Variants in PDE4D observed in about 807,000 individuals in gnomAD.
PDE4D encodes the protein phosphodiesterase 4D, also known as 3',5'-cyclic-AMP phosphodiesterase 4D.
In PDE4D, 24 loss-of-function variants were observed where a neutral mutation model predicts 87.4. The ratio of observed to expected loss-of-function variants is 0.27; its 90% CI spans 0.20 to 0.39. PDE4D has a LOEUF of 0.39. Among genes scored for constraint, PDE4D ranks in the 10% least tolerant of loss-of-function variants. PDE4D has a pLI of 1.00. For synonymous variants in PDE4D, 384 were observed against 383.2 expected, an observed-to-expected ratio of 1.00 and a Z score of -0.02; for missense variants, 714 against 1,041.0, an observed-to-expected ratio of 0.69 and a Z score of 4.32.
At chr5:59,483,208 T>G (rs1335831007) in intron 1 of PDE4D, among the ~76,000 whole-genome samples, 1 of 152,174 alleles carries the variant, frequency 6.6e-6, no homozygotes, top group Non-Finnish European at 1.5e-5. Context: ...GTCTCCAGCT[T>G]ATTGGCTGCA....
intron 1 of PDE4D, among the ~76,000 whole-genome samples, chr5:59,561,780 A>C (rs550850633): frequency 6.6e-6 from 1 of 152,182 alleles, no homozygotes; most frequent in East Asian, 1.9e-4. Flanking sequence ...AAATTCAAAA[A>C]AATTAGCCAG....
chr5:59,560,425 T>C (rs893534214), intron 1 of PDE4D, among the ~76,000 whole-genome samples: 1 of 152,232 alleles, frequency 6.6e-6, no homozygotes, highest in Non-Finnish European at 1.5e-5. Context: ...CACTCATTCA[T>C]TCAACAAGTA....
intron 1 of PDE4D, among the ~76,000 whole-genome samples, chr5:59,799,149 G>A (rs1041942496): frequency 1.3e-5 from 2 of 152,142 alleles, no homozygotes; most frequent in Admixed American, 6.5e-5. Context: ...GTTGTCCTCA[G>A]ACAACCGAAA....
chr5:59,397,788 A>C (rs1789732049), intron 1 of PDE4D, among the ~76,000 whole-genome samples: 1 of 116,930 alleles, frequency 8.6e-6, no homozygotes, highest in Non-Finnish European at 1.8e-5. Flanking sequence ...TAATGAATCC[A>C]GGAGCTGGTT....
intron 2 of PDE4D, among the ~76,000 whole-genome samples, chr5:60,105,757 A>G (rs1776819347): frequency 6.6e-6 from 1 of 152,204 alleles, no homozygotes; most frequent in Non-Finnish European, 1.5e-5. Flanking sequence ...ATATCCAGCC[A>G]AACTAAGCTT....
intron 1 of PDE4D, among the ~76,000 whole-genome samples, chr5:59,288,306 T>C (rs1767376776): frequency 6.6e-6 from 1 of 150,760 alleles, no homozygotes; most frequent in Non-Finnish European, 1.5e-5. Flanking sequence ...GCAACTGACA[T>C]ACTGAAAAAT....
intron 6 of PDE4D, among the ~76,000 whole-genome samples, chr5:59,012,695 A>T (rs2153366738): frequency 6.6e-6 from 1 of 152,328 alleles, no homozygotes; most frequent in African/African-American, 2.4e-5. Context: ...CTTCTACACA[A>T]TAATAATGGG....
At chr5:59,977,297 T>C (rs2152822284) in intron 3 of PDE4D, among the ~76,000 whole-genome samples, 1 of 152,350 alleles carries the variant, frequency 6.6e-6, no homozygotes, top group South Asian at 2.1e-4. Context: ...AACAGCCTTA[T>C]TGATAATGTG....
intron 5 of PDE4D, among the ~76,000 whole-genome samples, chr5:59,163,478 C>T (rs1445028949): frequency 7.9e-5 from 12 of 152,164 alleles, no homozygotes; most frequent in African/African-American, 1.9e-4. Context: ...TCCATGTTGG[C>T]CAGGCTGGTC....
chr5:60,459,579 A>C (rs1746760176), intron 1 of PDE4D, among the ~76,000 whole-genome samples: 1 of 152,132 alleles, frequency 6.6e-6, no homozygotes, highest in Admixed American at 6.6e-5. Flanking sequence ...TGAAAGGAGC[A>C]GGTTTTTCTT....
At chr5:60,419,805 G>A (rs1377294176) in intron 1 of PDE4D, among the ~76,000 whole-genome samples, 1 of 152,166 alleles carries the variant, frequency 6.6e-6, no homozygotes, top group Non-Finnish European at 1.5e-5. Context: ...TTCAAACAGT[G>A]GCTAACAAGC....
intron 11 of PDE4D, among the ~76,000 whole-genome samples, chr5:58,984,561 C>T (rs990456805): frequency 3.9e-5 from 6 of 152,144 alleles, no homozygotes; most frequent in African/African-American, 1.4e-4. Context: ...TAAAATTCTA[C>T]ATACAATCTA....
Position 59,353,361 on chromosome 5 carries a change from A to AT in PDE4D, c.456-137394dup, listed in dbSNP as rs33953218. ...TTTACTTCCCAGATCGTTTTTCCCC[A>AT]TTTTTTTTTTTTTAGGTACTATGTT... On this transcript the variant is annotated intron_variant, in intron 1 of 14. Coordinates refer to ENST00000340635, the MANE Select transcript of PDE4D (RefSeq NM_001104631.2). Among the ~76,000 whole-genome samples the AT allele has an allele frequency of 1.8e-3, 268 of 147,466 alleles. 1 individual carries two copies. The highest frequency in any genetic ancestry group is 7.7e-3 in the South Asian group (36 of 4,674).
intron 5 of PDE4D, among the ~76,000 whole-genome samples, chr5:59,114,955 G>T (rs902234430): frequency 8.5e-5 from 13 of 152,052 alleles, no homozygotes; most frequent in African/African-American, 3.1e-4. Context: ...ATAGAGATAT[G>T]TGGTAATAAC....
At chr5:58,980,886 C>T (rs534327167) in intron 11 of PDE4D, among the ~76,000 whole-genome samples, 1 of 152,174 alleles carries the variant, frequency 6.6e-6, no homozygotes, top group South Asian at 2.1e-4. Context: ...CAAGAAGTCC[C>T]ATGTCTGCAA....
chr5:59,736,141 T>TA (rs911967207), intron 1 of PDE4D, among the ~76,000 whole-genome samples: 12 of 149,736 alleles, frequency 8.0e-5, no homozygotes, highest in East Asian at 2.0e-4. Context: ...ATTAATTAAT[T>TA]AAAAAAAAAG....
intron 5 of PDE4D, among the ~76,000 whole-genome samples, chr5:59,150,778 C>G (rs1779362099): frequency 1.3e-5 from 2 of 151,836 alleles, no homozygotes; most frequent in African/African-American, 2.4e-5. Flanking sequence ...GCTCAAGTTG[C>G]AATTATAAAT....
chr5:59,763,949 C>T (rs1018968652), intron 1 of PDE4D, among the ~76,000 whole-genome samples: 3 of 152,100 alleles, frequency 2.0e-5, no homozygotes, highest in Non-Finnish European at 2.9e-5. Flanking sequence ...AAATCTGTTC[C>T]TTGAAGGAAG....
chr5:60,087,162 T>C (rs1774621638), intron 2 of PDE4D, among the ~76,000 whole-genome samples: 1 of 152,182 alleles, frequency 6.6e-6, no homozygotes, highest in Admixed American at 6.5e-5. Context: ...AACAAGTTAG[T>C]TCCAGCAAAG....
Sources: gnomAD v4.1 joint callset for allele counts (sites outside exome capture counted in the v4.1 genomes callset) on GRCh38, gnomAD v4.1.1 for gene constraint, MANE v1.5 for transcripts, NCBI Gene and HGNC (gene_info 2026-07-23, HGNC 2026-07-21) for gene names.